SHISA6: variants seen among roughly 807,000 people sequenced by gnomAD.
The protein encoded by SHISA6 is protein shisa-6.
In SHISA6, 22 loss-of-function variants were observed where a neutral mutation model predicts 47.9. The observed-to-expected ratio is 0.46, with a 90% CI of 0.33 to 0.66. SHISA6 has a LOEUF of 0.66. SHISA6 is among the 30% of genes least tolerant of loss of function. The pLI is 0.02. For missense variants in SHISA6, 680 were observed against 764.6 expected (o/e 0.89, Z 1.30); for synonymous variants, 388 against 337.8 (o/e 1.15, Z -1.63).
At chr17:11,310,830 T>C (rs1251530665) in intron 2 of SHISA6, among the ~76,000 whole-genome samples, 5 of 151,676 alleles carry the variant, frequency 3.3e-5, no homozygotes, top group South Asian at 2.1e-4. Context: ...AAAATTAGGC[T>C]GGGCGCTGTG....
At chr17:11,356,450 C>G (rs558235384) in intron 2 of SHISA6, among the ~76,000 whole-genome samples, 2 of 152,326 alleles carry the variant, frequency 1.3e-5, no homozygotes, top group African/African-American at 4.8e-5. Context: ...AAAATAGTTC[C>G]CTCTACGCAC....
chr17:11,556,010 G>T (rs1177486397), intron 5 of SHISA6, 118 bp downstream of exon 5: 5 of 1,256,762 alleles, frequency 4.0e-6, no homozygotes, highest in Non-Finnish European at 5.2e-6. Context: ...GAATAAAGAA[G>T]GAGTTGCAGG....
At chr17:11,302,766 A>G (rs1020082794) in intron 2 of SHISA6, among the ~76,000 whole-genome samples, 1 of 151,936 alleles carries the variant, frequency 6.6e-6, no homozygotes, top group Non-Finnish European at 1.5e-5. Context: ...AAGAGGGCAG[A>G]CCCGAAGGGT....
At chr17:11,272,567 A>G (rs1384340016) in intron 2 of SHISA6, among the ~76,000 whole-genome samples, 1 of 152,156 alleles carries the variant, frequency 6.6e-6, no homozygotes, top group African/African-American at 2.4e-5. Context: ...AACTGGGTAT[A>G]AACTCTCCTA....
chr17:11,246,365 C>T (rs1332568044), intron 1 of SHISA6, among the ~76,000 whole-genome samples: 1 of 152,164 alleles, frequency 6.6e-6, no homozygotes, highest in Non-Finnish European at 1.5e-5. Context: ...TGGCATGCGC[C>T]TGTAGTCCCA....
At chr17:11,446,212 G>T (rs559888468) in intron 3 of SHISA6, among the ~76,000 whole-genome samples, 5 of 152,346 alleles carry the variant, frequency 3.3e-5, no homozygotes, top group Admixed American at 3.3e-4. Flanking sequence ...GGAGGACTCT[G>T]CATGCAGAGG....
intron 3 of SHISA6, among the ~76,000 whole-genome samples, chr17:11,405,270 G>C (rs995163716): frequency 1.3e-5 from 2 of 152,102 alleles, no homozygotes; most frequent in African/African-American, 4.8e-5. Flanking sequence ...GATCCAGTAG[G>C]TCTAGGGTGC....
At chr17:11,555,129 A>G (rs1216740950) in intron 4 of SHISA6, among the ~76,000 whole-genome samples, 1 of 152,006 alleles carries the variant, frequency 6.6e-6, no homozygotes, top group African/African-American at 2.4e-5. Flanking sequence ...CAGAGAAAGG[A>G]ATTAGAGTAA....
chr17:11,540,526 A>C (rs951654550), intron 3 of SHISA6, among the ~76,000 whole-genome samples: 1 of 152,100 alleles, frequency 6.6e-6, no homozygotes, highest in African/African-American at 2.4e-5. Flanking sequence ...CACTTCTACT[A>C]GTCCTGGAGC....
intron 2 of SHISA6, among the ~76,000 whole-genome samples, chr17:11,346,840 T>C (rs1294269000): frequency 6.6e-6 from 1 of 152,214 alleles, no homozygotes; most frequent in Non-Finnish European, 1.5e-5. Context: ...ACCCACATGA[T>C]ATGTGTCCTA....
rs913204877 is a variant in SHISA6, at chr17:11,429,876, A to G, written c.895+50367A>G. On this transcript the variant is annotated intron_variant, in intron 3 of 5. Transcript: ENST00000441885. ...ATAGGAATTGAAAAAAAAAAAAACA[A>G]TAAACTTTAAACTTTATCTGCATTT... 2.0e-5 allele frequency among the ~76,000 whole-genome samples: 3 copies of G among 152,058 alleles called. 1 individual carries two copies. Among genetic ancestry groups the G allele is most frequent in the Non-Finnish European group, 4.4e-5 (3 of 68,010 alleles).
intron 3 of SHISA6, among the ~76,000 whole-genome samples, chr17:11,525,652 C>CAAAAAAAAAAAAAAAAAAA (rs371530736): frequency 1.9e-5 from 2 of 104,282 alleles, no homozygotes; most frequent in Admixed American, 1.2e-4. Context: ...AAAAAAAAAA[C>CAAAAAAAAAAAAAAAAAAA]AAAAAAAAAA....
chr17:11,357,927 A>G (rs1261644656), intron 2 of SHISA6, among the ~76,000 whole-genome samples: 1 of 152,138 alleles, frequency 6.6e-6, no homozygotes, highest in African/African-American at 2.4e-5. Context: ...ATTGCCTGTT[A>G]ATGTCCATGG....
chr17:11,265,753 G>A (rs189983056), intron 2 of SHISA6, among the ~76,000 whole-genome samples: 1 of 152,246 alleles, frequency 6.6e-6, no homozygotes, highest in East Asian at 1.9e-4. Context: ...TCATTCTCAA[G>A]CGAGCTGGTT....
intron 2 of SHISA6, among the ~76,000 whole-genome samples, chr17:11,355,667 T>C (rs1912056927): frequency 6.6e-6 from 1 of 152,204 alleles, no homozygotes; most frequent in South Asian, 2.1e-4. Context: ...TTCAGTTACC[T>C]ACAGGTACCT....
intron 3 of SHISA6, among the ~76,000 whole-genome samples, chr17:11,496,650 A>G (rs1226812844): frequency 1.3e-5 from 2 of 152,046 alleles, no homozygotes; most frequent in African/African-American, 2.4e-5. Context: ...GAGGCAGGAG[A>G]ATCACTTGAA....
At chr17:11,442,875 A>G (rs1312674019) in intron 3 of SHISA6, among the ~76,000 whole-genome samples, 1 of 152,086 alleles carries the variant, frequency 6.6e-6, no homozygotes, top group Non-Finnish European at 1.5e-5. Context: ...GTCTCACCTG[A>G]CTTCTGCAGC....
intron 3 of SHISA6, among the ~76,000 whole-genome samples, chr17:11,495,102 GC>G (rs2071397422): frequency 6.6e-6 from 1 of 152,164 alleles, no homozygotes; most frequent in Admixed American, 6.5e-5. Flanking sequence ...TGATCATCCT[GC>G]CCCAGTAGAT....
At position 11,241,340 on chromosome 17, in the gene SHISA6, G is replaced by T; in HGVS notation, c.-83G>T. 10 of 880,984 alleles carry T rather than the reference G, an allele frequency of 1.1e-5. No homozygotes were observed. In the South Asian group the frequency reaches 4.6e-4, roughly 40 times the overall value. The allele number at this position is 880,984 out of a possible 1,614,324, so 54.6% of individuals were successfully genotyped here. On this transcript the variant is annotated 5_prime_UTR_variant, in exon 1 of 6. Transcript: ENST00000441885. The surrounding 1 kb of genome is among the most constrained non-coding windows in gnomAD (Gnocchi z 5.5). Reference sequence around the variant, plus strand: ...CCGCTCAGCGCCTCCAGCCCGGCCCGCGCGGCGGGTCCTCCGAGCCCGGCC... The same window carrying T: ...CCGCTCAGCGCCTCCAGCCCGGCCCTCGCGGCGGGTCCTCCGAGCCCGGCC...
Sources: gnomAD v4.1 joint callset for allele counts (sites outside exome capture counted in the v4.1 genomes callset) on GRCh38, gnomAD v4.1.1 for gene constraint, Gnocchi (gnomAD v3.1) non-coding constraint, MANE v1.5 for transcripts, NCBI Gene and HGNC (gene_info 2026-07-23, HGNC 2026-07-21) for gene names.